CDH8: variants seen among roughly 807,000 people sequenced by gnomAD.
CDH8 encodes cadherin 8, also known as cadherin-8.
Under a neutral mutation model 68.1 loss-of-function variants are expected in CDH8, and 17 were observed. That is an observed-to-expected ratio of 0.25 (90% CI 0.17 to 0.37). The LOEUF is 0.37. Ranked by LOEUF, CDH8 falls within the 10% of genes least tolerant of loss-of-function variation. The probability of loss-of-function intolerance (pLI) is 1.00; values close to 1 mark genes in which losing one functional copy is unlikely to be tolerated. For synonymous variants in CDH8, 372 were observed against 365.1 expected, an observed-to-expected ratio of 1.02 and a Z score of -0.21; for missense variants, 763 against 999.3, an observed-to-expected ratio of 0.76 and a Z score of 3.19.
At chr16:61,751,963 C>A (rs1960178967) in intron 8 of CDH8, among the ~76,000 whole-genome samples, 1 of 151,968 alleles carries the variant, frequency 6.6e-6, no homozygotes, top group Admixed American at 6.6e-5. Context: ...CAACAGTTCC[C>A]TCATTCAATA....
chr16:61,927,129 C>A (rs1964468133), intron 2 of CDH8, among the ~76,000 whole-genome samples: 2 of 152,136 alleles, frequency 1.3e-5, no homozygotes, highest in South Asian at 2.1e-4. Context: ...GTTATTCAGT[C>A]CTCAACCCCA....
At chr16:61,800,401 TA>T (rs1311857937) in intron 7 of CDH8, among the ~76,000 whole-genome samples, 10 of 152,228 alleles carry the variant, frequency 6.6e-5, no homozygotes, top group Non-Finnish European at 1.3e-4. Flanking sequence ...CTTTTGCCAT[TA>T]AACAGACAAT....
At chr16:61,928,770 T>C (rs552211088) in intron 2 of CDH8, among the ~76,000 whole-genome samples, 13 of 152,346 alleles carry the variant, frequency 8.5e-5, no homozygotes, top group African/African-American at 2.9e-4. Context: ...CTGTCTACAT[T>C]GTATTCTAAG....
At chr16:62,004,628 T>A (rs1391163818) in intron 2 of CDH8, among the ~76,000 whole-genome samples, 1 of 152,248 alleles carries the variant, frequency 6.6e-6, no homozygotes, top group Non-Finnish European at 1.5e-5. Flanking sequence ...TATAAATGTG[T>A]GTGTCTGTGG....
chr16:61,798,210 T>C (rs1480040761), intron 7 of CDH8, among the ~76,000 whole-genome samples: 6 of 152,228 alleles, frequency 3.9e-5, no homozygotes, highest in Non-Finnish European at 8.8e-5. Flanking sequence ...AATGCAGTTT[T>C]ACACATTGTG....
intron 2 of CDH8, among the ~76,000 whole-genome samples, chr16:61,914,340 T>C (rs1041021978): frequency 2.0e-5 from 3 of 152,146 alleles, no homozygotes; most frequent in Non-Finnish European, 4.4e-5. Flanking sequence ...AGATGCAAAA[T>C]GATGGCTGCA....
intron 2 of CDH8, among the ~76,000 whole-genome samples, chr16:61,938,314 AC>A (rs1169613592): frequency 1.3e-5 from 2 of 152,178 alleles, no homozygotes; most frequent in Non-Finnish European, 2.9e-5. Flanking sequence ...TCATTTCAGA[AC>A]TGAAATAGTT....
At chr16:61,899,831 GACACACACACACACACACACAC>G (rs35171683) in intron 3 of CDH8, among the ~76,000 whole-genome samples, 3 of 147,230 alleles carry the variant, frequency 2.0e-5, no homozygotes, top group African/African-American at 7.5e-5. Flanking sequence ...ATGTTATAAA[GACACACACACACACACACACAC>G]ACACACACAC....
intron 10 of CDH8, among the ~76,000 whole-genome samples, chr16:61,669,917 T>A (rs926449215): frequency 6.6e-6 from 1 of 152,118 alleles, no homozygotes; most frequent in East Asian, 1.9e-4. Flanking sequence ...TTAACCTGAT[T>A]TGCATTCTGA....
At chr16:61,771,276 G>A (rs1467313912) in intron 8 of CDH8, among the ~76,000 whole-genome samples, 1 of 151,508 alleles carries the variant, frequency 6.6e-6, no homozygotes, top group Non-Finnish European at 1.5e-5. Context: ...GGTATTCTGT[G>A]GAGTTCAGAT....
chr16:61,717,443 C>T (rs1413482571), intron 9 of CDH8, among the ~76,000 whole-genome samples: 1 of 151,254 alleles, frequency 6.6e-6, no homozygotes, highest in East Asian at 1.9e-4. Context: ...TAATTCTGAC[C>T]CTTAAAAATC....
chr16:61,721,210 G>C (rs1390115445), intron 9 of CDH8, among the ~76,000 whole-genome samples: 1 of 150,708 alleles, frequency 6.6e-6, no homozygotes, highest in Non-Finnish European at 1.5e-5. Context: ...GCTACATGTG[G>C]TTTCTTCAAA....
At chr16:61,744,800 A>G (rs1215294166) in intron 8 of CDH8, among the ~76,000 whole-genome samples, 8 of 151,384 alleles carry the variant, frequency 5.3e-5, no homozygotes, top group African/African-American at 1.4e-4. Context: ...CATTATATCT[A>G]TAATGAAAGA....
At chr16:61,669,571 C>G (rs1963749690) in intron 10 of CDH8, among the ~76,000 whole-genome samples, 1 of 152,040 alleles carries the variant, frequency 6.6e-6, no homozygotes, top group African/African-American at 2.4e-5. Flanking sequence ...TTACGCATTT[C>G]AAGAAACTTC....
chr16:61,741,593 C>A (rs1473577273), intron 8 of CDH8, among the ~76,000 whole-genome samples: 1 of 152,070 alleles, frequency 6.6e-6, no homozygotes, highest in Non-Finnish European at 1.5e-5. Context: ...TTTCCACTTG[C>A]AGGTATCCAG....
chr16:62,025,747 T>C (rs1293941006), intron 1 of CDH8, among the ~76,000 whole-genome samples: 1 of 152,172 alleles, frequency 6.6e-6, no homozygotes, highest in Non-Finnish European at 1.5e-5. Context: ...TTATTTTCCA[T>C]AATGGAATAT....
chr16:61,881,161 A>C (rs1259592347), intron 3 of CDH8, among the ~76,000 whole-genome samples: 1 of 152,194 alleles, frequency 6.6e-6, no homozygotes, highest in East Asian at 1.9e-4. Flanking sequence ...ATGGATTCCT[A>C]ACCTACATAA....
chr16:61,834,474 G>C (rs566125110), intron 4 of CDH8, among the ~76,000 whole-genome samples: 1 of 151,996 alleles, frequency 6.6e-6, no homozygotes, highest in African/African-American at 2.4e-5. Flanking sequence ...CATTGTTTCT[G>C]TAGATATTTT....
intron 1 of CDH8, among the ~76,000 whole-genome samples, chr16:62,023,280 G>A (rs968059270): frequency 7.9e-5 from 12 of 152,094 alleles, no homozygotes; most frequent in African/African-American, 1.4e-4. Flanking sequence ...AGACCCGAGC[G>A]AGAAGTTGGT....
Sources: allele counts gnomAD v4.1 joint callset (sites outside exome capture counted in the v4.1 genomes callset), GRCh38; gene constraint gnomAD v4.1.1; transcripts MANE v1.5; gene names NCBI Gene and HGNC (gene_info 2026-07-23, HGNC 2026-07-21).